SLC8B1: variants seen among roughly 807,000 people sequenced by gnomAD.
SLC8B1 encodes solute carrier family 8 member B1, also known as mitochondrial sodium/calcium exchanger protein.
In SLC8B1, 52 loss-of-function variants were observed where a neutral mutation model predicts 63.4. The ratio of observed to expected loss-of-function variants is 0.82; its 90% CI spans 0.66 to 1.03. SLC8B1 has a LOEUF of 1.03. Ranked by LOEUF, SLC8B1 falls within the 50% of genes least tolerant of loss-of-function variation. The pLI is 0.00. For synonymous variants in SLC8B1, 336 were observed against 323.9 expected (o/e 1.04, Z -0.40); for missense variants, 657 against 741.7 (o/e 0.89, Z 1.33).
intron 2 of SLC8B1, among the ~76,000 whole-genome samples, chr12:113,329,848 C>A (rs1957036492): frequency 6.6e-6 from 1 of 152,194 alleles, no homozygotes; most frequent in Non-Finnish European, 1.5e-5. Flanking sequence ...ACCTTCCTCC[C>A]ACTGACAGCC....
At chr12:113,315,752 G>T (rs933348784) in intron 10 of SLC8B1, among the ~76,000 whole-genome samples, 9 of 152,182 alleles carry the variant, frequency 5.9e-5, no homozygotes, top group South Asian at 2.1e-4. Flanking sequence ...AAGCTCTAGG[G>T]GAGACTGAGG....
intron 8 of SLC8B1, 65 bp from the exon 9 acceptor site, chr12:113,317,066 G>T: frequency 1.4e-6 from 2 of 1,455,428 alleles, no homozygotes; most frequent in Non-Finnish European, 9.5e-7. Context: ...CACTGGGACA[G>T]AGCAGGTTTA....
At position 113,305,253 on chromosome 12, in the gene SLC8B1, G is replaced by A. The variant is rs1169038816; in HGVS notation, c.1493-868C>T. 6.6e-6 allele frequency among the ~76,000 whole-genome samples: 1 copy of A among 152,256 alleles called. No homozygotes were observed. Among genetic ancestry groups the A allele is most frequent in the Non-Finnish European group, 1.5e-5 (1 of 68,046 alleles). ...GGCGAGGCTGCAGCCCGAAAGCCAG[G>A]AGTAGGCCTCAGTGGGCGCAAAAGG... On this transcript the variant is annotated intron_variant, in intron 14 of 15. Transcript: ENST00000680972. The surrounding 1 kb of genome is among the most constrained non-coding windows in gnomAD (Gnocchi z 4.3).
At chr12:113,303,011 A>G (rs1030605943) in intron 15 of SLC8B1, among the ~76,000 whole-genome samples, 20 of 151,078 alleles carry the variant, frequency 1.3e-4, no homozygotes, top group African/African-American at 2.9e-4. Context: ...ACACACGCGC[A>G]CACACACACA....
At chr12:113,300,469 T>C (rs1189732924) in intron 15 of SLC8B1, among the ~76,000 whole-genome samples, 2 of 151,500 alleles carry the variant, frequency 1.3e-5, no homozygotes, top group African/African-American at 4.9e-5. Context: ...GGTGATGGAG[T>C]AAGACTCTGT....
chr12:113,332,749 C>G lies in SLC8B1; in HGVS notation c.130G>C (p.Gly44Arg). ...TCTACCACGGGGGTCTGGTTCACAC[C>G]TGAAGCTGGAAACTGGGGGCTAATG... ...AHISPQFPASGVNQTPVVDCR... is the reference protein window; with the variant it reads ...AHISPQFPASRVNQTPVVDCR... The change falls in exon 2 of 16, where the codon GGT becomes CGT. Residue 44 changes from glycine to arginine, a missense_variant. By Grantham distance (125) the Gly-to-Arg change is moderately radical. Transcript: ENST00000680972. The G allele has an allele frequency of 6.2e-7, 1 of 1,614,094 alleles. No homozygotes were observed. The highest frequency in any genetic ancestry group is 8.5e-7 in the Non-Finnish European group (1 of 1,179,992).
intron 8 of SLC8B1, 104 bp downstream of exon 8, chr12:113,318,860 A>C (rs1317484258): frequency 2.5e-6 from 2 of 808,328 alleles, no homozygotes; most frequent in East Asian, 5.3e-5. Context: ...AGAGGAGATG[A>C]GCTTGGTGGG....
At chr12:113,313,459 G>A (rs1956790015) in intron 11 of SLC8B1, among the ~76,000 whole-genome samples, 1 of 152,044 alleles carries the variant, frequency 6.6e-6, no homozygotes. Context: ...ATCAAATGTG[G>A]CCAGGCGCAG....
At position 113,300,061 on chromosome 12, in the gene SLC8B1, A is replaced by G. The variant is rs1329353960; in HGVS notation, c.1558-87T>C. ...TGGCCAACACAACAATGCAGCCTCA[A>G]CAACAATGCAGCCTCAACAACAATG... On this transcript the variant is annotated intron_variant, in intron 15 of 15. Transcript: ENST00000680972. 4 of 1,186,686 alleles carry G rather than the reference A, an allele frequency of 3.4e-6. No individual in the cohort carries two copies. In the Admixed American group the frequency reaches 7.9e-5, roughly 23 times the overall value. The allele number at this position is 1,186,686 out of a possible 1,614,324, so 73.5% of individuals were successfully genotyped here. A position where few individuals can be genotyped will look rare whatever the true frequency, so the allele number is the denominator to read the frequency against.
rs1310250170 is a variant in SLC8B1, at chr12:113,316,751, AAGG to A, written c.863-98_863-96del. On this transcript the variant is annotated intron_variant, in intron 9 of 15. Coordinates refer to ENST00000680972, the MANE Select transcript of SLC8B1 (RefSeq NM_001358345.2). ...CATCCCACCAGTCCTCCCAGCCCTA[AAGG>A]AGGAGACAAAGCCCAGTACTCGGCA... 19 of 1,557,296 alleles carry A rather than the reference AAGG, an allele frequency of 1.2e-5. No homozygotes were observed. In the Admixed American group the frequency reaches 1.6e-4, roughly 13 times the overall value.
chr12:113,325,569 T>TC (rs1369967623), intron 2 of SLC8B1, among the ~76,000 whole-genome samples: 6 of 151,556 alleles, frequency 4.0e-5, no homozygotes, highest in Non-Finnish European at 8.8e-5. Context: ...GCCTTAATTT[T>TC]TTTTTTTTTT....
At chr12:113,319,467 C>T in intron 7 of SLC8B1, 1 of 204,036 alleles carries the variant, frequency 4.9e-6, no homozygotes, top group Non-Finnish European at 1.0e-5. Flanking sequence ...TCTTCCTACT[C>T]CCTCCCTGTT....
At chr12:113,317,812 CATGT>C (rs1311352309) in intron 8 of SLC8B1, among the ~76,000 whole-genome samples, 2 of 149,686 alleles carry the variant, frequency 1.3e-5, no homozygotes, top group Admixed American at 6.6e-5. Context: ...TGTGTGTGTG[CATGT>C]ATTTGTGTGT....
At chr12:113,304,958 C>T (rs992447697) in intron 14 of SLC8B1, among the ~76,000 whole-genome samples, 4 of 152,214 alleles carry the variant, frequency 2.6e-5, no homozygotes, top group African/African-American at 9.6e-5. Flanking sequence ...CCAACTCCCC[C>T]AAACACCATA....
At chr12:113,317,679 A>T (rs1283417764) in intron 8 of SLC8B1, among the ~76,000 whole-genome samples, 9 of 152,156 alleles carry the variant, frequency 5.9e-5, no homozygotes, top group Admixed American at 5.9e-4. Flanking sequence ...TCCTCGAGTG[A>T]GGAGTTAGCT....
chr12:113,310,201 C>T lies in SLC8B1; in HGVS notation c.1257+33G>A, dbSNP rs750516701. On this transcript the variant is annotated intron_variant, in intron 12 of 15. Transcript: ENST00000680972. ...CTGTGTGGGAGACATCAGCATCCCTCCCCCCCCATCTCGGAGAACCCGGGC... is the reference window on the plus strand; with the variant it reads ...CTGTGTGGGAGACATCAGCATCCCTTCCCCCCCATCTCGGAGAACCCGGGC... 5.6e-6 allele frequency: 9 copies of T among 1,593,668 alleles called. No individual in the cohort carries two copies. In the Admixed American group the frequency reaches 1.4e-4, roughly 25 times the overall value.
chr12:113,334,099 G>A (rs1957095460), intron 1 of SLC8B1, among the ~76,000 whole-genome samples: 1 of 152,204 alleles, frequency 6.6e-6, no homozygotes, highest in African/African-American at 2.4e-5. Flanking sequence ...CAAGAAGGAA[G>A]TTGAGTTGCT....
At chr12:113,307,989 G>T in intron 12 of SLC8B1, 145 bp from the exon 13 acceptor site, 1 of 939,158 alleles carries the variant, frequency 1.1e-6, no homozygotes, top group Non-Finnish European at 1.5e-6. Context: ...ATGCATTGGT[G>T]CCTGTGCAAA....
chr12:113,310,222 C>T lies in SLC8B1; in HGVS notation c.1257+12G>A, dbSNP rs75119046. ...CCCTCCCCCCCCATCTCGGAGAACC[C>T]GGGCTTCTTACCCAGTGAAGCCTGG... On this transcript the variant is annotated intron_variant, in intron 12 of 15. Coordinates refer to ENST00000680972, the MANE Select transcript of SLC8B1 (RefSeq NM_001358345.2). 100,236 of 1,611,970 alleles carry T rather than the reference C, an allele frequency of 0.062. 3,570 individuals carry two copies. Among genetic ancestry groups the T allele is most frequent in the Non-Finnish European group, 0.066 (77,808 of 1,179,228 alleles).
Sources: gnomAD v4.1 joint callset for allele counts (sites outside exome capture counted in the v4.1 genomes callset) on GRCh38, gnomAD v4.1.1 for gene constraint, Gnocchi (gnomAD v3.1) non-coding constraint, MANE v1.5 for transcripts, NCBI Gene and HGNC (gene_info 2026-07-23, HGNC 2026-07-21) for gene names.